Variants in ZNF594 observed in about 807,000 individuals in gnomAD.
ZNF594 encodes zinc finger protein 594, also known as zinc finger protein HZF18.
For missense variants in ZNF594, 1,037 were observed against 964.6 expected (o/e 1.08, Z -0.99); for synonymous variants, 336 against 309.4 (o/e 1.09, Z -0.90).
chr17:5,182,909 G>A lies in ZNF594; in HGVS notation c.1348C>T (p.His450Tyr), dbSNP rs767357765. The A allele has an allele frequency of 8.1e-6, 13 of 1,613,938 alleles. No individual in the cohort carries two copies. The South Asian group carries it at 1.4e-4, about 18-fold the overall frequency. ...TTCTCTCCAGTATGAACACGATGGT[G>A]TCTAATAAGATCTGAGCTGCCCCTA... Reference protein sequence around the residue: ...SFRGSSDLIRHHRVHTGEKPY... With the variant: ...SFRGSSDLIRYHRVHTGEKPY... Residue 450 changes from histidine to tyrosine, a missense_variant, in exon 2 of 2, where the codon CAC becomes TAC. His to Tyr is a moderately conservative substitution (Grantham distance 83). Coordinates refer to ENST00000575779, the MANE Select transcript of ZNF594 (RefSeq NM_032530.2).
chr17:5,187,924 T>C (rs1325892834), intron 1 of ZNF594, among the ~76,000 whole-genome samples: 3 of 144,590 alleles, frequency 2.1e-5, no homozygotes, highest in Admixed American at 7.2e-5. Context: ...GGTCTCACCA[T>C]GTTGCCCAGG....
chr17:5,175,018 A>G (rs544106175), downstream of ZNF594: 79 of 182,158 alleles, frequency 4.3e-4, no homozygotes, highest in African/African-American at 1.8e-3. Flanking sequence ...ATACAAGTAA[A>G]CACAGAAAGT....
chr17:5,178,041 A>G (rs1421625296), downstream of ZNF594, among the ~76,000 whole-genome samples: 1 of 151,858 alleles, frequency 6.6e-6, no homozygotes, highest in African/African-American at 2.4e-5. Context: ...GACTCTTCCA[A>G]AGAGAAGAAA....
At chr17:5,176,459 T>C (rs1276375089), downstream of ZNF594, among the ~76,000 whole-genome samples, 1 of 151,016 alleles carries the variant, frequency 6.6e-6, no homozygotes, top group African/African-American at 2.4e-5. Context: ...TGGCAGCTTG[T>C]TTAAGGAACA....
chr17:5,177,478 G>A (rs947707782), downstream of ZNF594, among the ~76,000 whole-genome samples: 1 of 152,198 alleles, frequency 6.6e-6, no homozygotes, highest in Non-Finnish European at 1.5e-5. Context: ...GGGAGTTCGA[G>A]GCAGGTGGAT....
At position 5,183,021 on chromosome 17, in the gene ZNF594, A is replaced by T. The variant is rs1297967510; in HGVS notation, c.1236T>A (p.Thr412=). Residue 412 remains threonine, a synonymous_variant, in exon 2 of 2, where the codon ACT becomes ACA. Transcript: ENST00000575779. ...KPYECKECGK[T]FNQSSDLLRH... is the part of the protein sequence containing the mutation. ...TCAGAAGGTCTGAGCTCTGATTGAA[A>T]GTTTTCCCACATTCTTTACATTCAT... is the stretch of plus-strand genomic sequence containing the variant. 6.2e-7 allele frequency: 1 copy of T among 1,613,738 alleles called. No individual in the cohort carries two copies. The highest frequency in any genetic ancestry group is 1.7e-5 in the Admixed American group (1 of 59,982).
chr17:5,185,462 G>A (rs1386931230), intron 1 of ZNF594, among the ~76,000 whole-genome samples: 1 of 152,102 alleles, frequency 6.6e-6, no homozygotes, highest in Non-Finnish European at 1.5e-5. Flanking sequence ...ACAAAACATG[G>A]GATTTATGGG....
Position 5,183,329 on chromosome 17 carries a change from G to C in ZNF594, c.928C>G (p.Leu310Val). Residue 310 changes from leucine (L) to valine (V), a missense_variant, in exon 2 of 2, where the codon CTT becomes GTT. Transcript: ENST00000575779. ...CEKAFRQHSH[L>V]TEHQRLHSGE... ...CTGTGGAGTCTCTGGTGTTCAGTAA[G>C]GTGAGAATGCTGCCTGAAGGCTTTT... The C allele has an allele frequency of 6.2e-7, 1 of 1,613,960 alleles. No individual in the cohort carries two copies. Among genetic ancestry groups the C allele is most frequent in the East Asian group, 2.2e-5 (1 of 44,886 alleles).
chr17:5,178,576 G>A (rs1408787814), downstream of ZNF594, among the ~76,000 whole-genome samples: 1 of 152,166 alleles, frequency 6.6e-6, no homozygotes, highest in Non-Finnish European at 1.5e-5. Flanking sequence ...AAATAAAGGT[G>A]TAAGAACCAA....
chr17:5,188,807 G>A (rs970072172), intron 1 of ZNF594, among the ~76,000 whole-genome samples: 11 of 150,552 alleles, frequency 7.3e-5, no homozygotes, highest in African/African-American at 2.2e-4. Context: ...GAGTGCAATG[G>A]CGCGATCTCG....
In ZNF594 at chr17:5,183,858, T is replaced by C; in HGVS notation, c.399A>G (p.Glu133=). The change falls in exon 2 of 2, where the codon GAA becomes GAG. Residue 133 remains glutamate, a synonymous_variant. Coordinates refer to ENST00000575779, the MANE Select transcript of ZNF594 (RefSeq NM_032530.2). ...INKTYECKEC[E]KTFNRSSNLI... ...GGTTTGAACTCCTGTTGAAGGTTTTTTCACATTCCTTACATTCATAGGTCT... is the reference window on the plus strand; with the variant it reads ...GGTTTGAACTCCTGTTGAAGGTTTTCTCACATTCCTTACATTCATAGGTCT... 6.2e-7 allele frequency: 1 copy of C among 1,613,684 alleles called. No homozygotes were observed. The highest frequency in any genetic ancestry group is 8.5e-7 in the Non-Finnish European group (1 of 1,179,910).
In ZNF594 at chr17:5,183,272, C is replaced by T. The variant is rs1598130919; in HGVS notation, c.985G>A (p.Gly329Arg). The T allele has an allele frequency of 6.2e-7, 1 of 1,614,174 alleles. No individual in the cohort carries two copies. Among genetic ancestry groups the T allele is most frequent in the Non-Finnish European group, 8.5e-7 (1 of 1,180,030 alleles). ...GEKPYECHRC[G>R]KTFSGRTAFL... ...GCTGTGCGCCCACTGAAGGTCTTCC[C>T]ACATCTGTGACATTCATAGGGTTTC... The change falls in exon 2 of 2, where the codon GGG becomes AGG. Residue 329 changes from glycine (G) to arginine (R), a missense_variant. Gly to Arg is a moderately radical substitution (Grantham distance 125). Transcript: ENST00000575779.
chr17:5,174,185 CCTCT>C, the ZNF594 span: 8 of 193,500 alleles, frequency 4.1e-5, no homozygotes, highest in African/African-American at 1.6e-4. Flanking sequence ...TCATTTTTTC[CCTCT>C]AATTATTTAA....
Position 5,183,593 on chromosome 17 carries a change from C to T in ZNF594, c.664G>A (p.Gly222Arg), listed in dbSNP as rs1222511176. 1.5e-5 allele frequency: 25 copies of T among 1,614,116 alleles called. 1 individual carries two copies. The highest frequency in any genetic ancestry group is 1.9e-5 in the Non-Finnish European group (23 of 1,180,006). Residue 222 changes from glycine to arginine, a missense_variant, in exon 2 of 2, where the codon GGA becomes AGA. Gly to Arg is a moderately radical substitution (Grantham distance 125). Coordinates refer to ENST00000575779, the MANE Select transcript of ZNF594 (RefSeq NM_032530.2). ...ECKECGKAFK[G>R]SSNLVLHQRI... ...TGGTGCAGGACAAGGTTTGAGCTTC[C>T]CTTAAAAGCCTTCCCACACTCTTTG...
chr17:5,185,411 C>T lies in ZNF594; in HGVS notation c.-20-1135G>A, dbSNP rs2074379833. 2.0e-5 allele frequency among the ~76,000 whole-genome samples: 3 copies of T among 152,294 alleles called. No individual in the cohort carries two copies. In the South Asian group the frequency reaches 6.2e-4, roughly 32 times the overall value. On this transcript the variant is annotated intron_variant, in intron 1 of 1. Coordinates refer to ENST00000575779, the MANE Select transcript of ZNF594 (RefSeq NM_032530.2). Reference sequence around the variant, plus strand: ...TACCATGAGAATAGTAGGGGGGAAACTGCCCCCATGATTCAAATTATCTCC... The same window carrying T: ...TACCATGAGAATAGTAGGGGGGAAATTGCCCCCATGATTCAAATTATCTCC...
In ZNF594 at chr17:5,191,781, G is replaced by C. The variant is rs941530850; in HGVS notation, c.-54C>G. On this transcript the variant is annotated 5_prime_UTR_variant, in exon 1 of 2. Coordinates refer to ENST00000575779, the MANE Select transcript of ZNF594 (RefSeq NM_032530.2). The stretch of plus-strand genomic sequence containing the variant: ...TACCCCCAACCTCCCGCTCGGTCGG[G>C]GGCCCCTCCACGGCCGCTATCACTG... 5 of 152,268 alleles carry C rather than the reference G, an allele frequency of 3.3e-5. No individual in the cohort carries two copies. The highest frequency in any genetic ancestry group is 1.5e-5 in the Non-Finnish European group (1 of 68,098). The allele number at this position is 152,268 out of a possible 1,614,324, so 9.4% of individuals were successfully genotyped here.
At chr17:5,187,565 G>T (rs2074393472) in intron 1 of ZNF594, among the ~76,000 whole-genome samples, 1 of 152,158 alleles carries the variant, frequency 6.6e-6, no homozygotes, top group African/African-American at 2.4e-5. Flanking sequence ...ATGGCACAGT[G>T]ATTAACAGCA....
rs749387883 is a variant in ZNF594 at position 5,181,135 on chromosome 17, C to G, written c.*698G>C. The G allele has an allele frequency of 6.3e-7, 1 of 1,596,742 alleles. No individual in the cohort carries two copies. The highest frequency in any genetic ancestry group is 8.6e-7 in the Non-Finnish European group (1 of 1,167,360). ...TTCTGACTGAAGGCCTTCCAACATTCAGGGCATTCATAGGGTTTCTCTCCA... is the reference window on the plus strand; with the variant it reads ...TTCTGACTGAAGGCCTTCCAACATTGAGGGCATTCATAGGGTTTCTCTCCA... On this transcript the variant is annotated 3_prime_UTR_variant, in exon 2 of 2. Transcript: ENST00000575779.
chr17:5,190,164 C>T (rs540162478), intron 1 of ZNF594, among the ~76,000 whole-genome samples: 4 of 152,076 alleles, frequency 2.6e-5, no homozygotes, highest in East Asian at 1.9e-4. Context: ...GTTGGGAGTT[C>T]GAGACCAGCC....
Sources: allele counts gnomAD v4.1 joint callset (sites outside exome capture counted in the v4.1 genomes callset), GRCh38; gene constraint gnomAD v4.1.1; transcripts MANE v1.5; gene names NCBI Gene and HGNC (gene_info 2026-07-23, HGNC 2026-07-21).